Variants in PLCB2 observed in about 807,000 individuals in gnomAD.
The protein encoded by PLCB2 is phospholipase C beta 2.
A neutral mutation model predicts 141.7 loss-of-function variants in PLCB2; 115 were observed. That is an observed-to-expected ratio of 0.81 (90% CI 0.70 to 0.95). PLCB2 has a LOEUF of 0.95. PLCB2 is among the 40% of genes least tolerant of loss of function. PLCB2 has a pLI of 0.00. For synonymous variants in PLCB2, 603 were observed against 595.6 expected, an observed-to-expected ratio of 1.01 and a Z score of -0.18; for missense variants, 1,403 against 1,541.1, an observed-to-expected ratio of 0.91 and a Z score of 1.50.
intron 1 of PLCB2, among the ~76,000 whole-genome samples, chr15:40,306,748 C>T (rs1416408087): frequency 2.0e-5 from 3 of 152,224 alleles, no homozygotes; most frequent in Non-Finnish European, 4.4e-5. Context: ...CCCACCAAGC[C>T]TTCATTTCCC....
Position 40,295,237 on chromosome 15 carries a change from T to G in PLCB2, c.1745A>C (p.Tyr582Ser). 1 of 1,613,974 alleles carries G rather than the reference T, an allele frequency of 6.2e-7. No homozygotes were observed. The highest frequency in any genetic ancestry group is 8.5e-7 in the Non-Finnish European group (1 of 1,179,826). Residue 582 changes from tyrosine to serine, a missense_variant, in exon 17 of 32, where the codon TAT becomes TCT. By Grantham distance (144) the Tyr-to-Ser change is moderately radical (BLOSUM62 -2). This residue lies in a region of PLCB2 where 975 missense variants were observed against 1,141.1 expected (regional missense o/e 0.85). Coordinates refer to ENST00000260402, the MANE Select transcript of PLCB2 (RefSeq NM_004573.3). ...CACCGAGGCCTTGGAGAGCAGGTCA[T>G]ATGCCTTGAGCTCTGTGAAGGACGA... is the stretch of plus-strand genomic sequence containing the variant. ...VISSFTELKA[Y>S]DLLSKASVQF... is the part of the protein sequence containing the mutation.
At position 40,297,424 on chromosome 15, in the gene PLCB2, G is replaced by C. The variant is rs1218089419; in HGVS notation, c.1323+97C>G. The C allele has an allele frequency of 2.4e-5, 22 of 907,474 alleles. No homozygotes were observed. In the Admixed American group the frequency reaches 4.0e-4, roughly 16 times the overall value. The allele number at this position is 907,474 out of a possible 1,614,324, so 56.2% of individuals were successfully genotyped here. On this transcript the variant is annotated intron_variant, in intron 13 of 31. Coordinates refer to ENST00000260402, the MANE Select transcript of PLCB2 (RefSeq NM_004573.3). This position sits in a 1 kb window ranked among gnomAD's most constrained non-coding sequence, Gnocchi z 4.2. ...CCCGCATCTAACCAAGTGAACCCTA[G>C]CATCCTCTGGGAGTGTCTCCCTCCC... is the stretch of plus-strand genomic sequence containing the variant.
Position 40,294,987 on chromosome 15 carries a change from T to C in PLCB2, c.1855A>G (p.Met619Val), listed in dbSNP as rs775543218. ...ATCTGGCATCCAGCATTCCAGAACA[T>C]CTGGGGCATGTAGTTGGAGGAGTCC... ...RMDSSNYMPQ[M>V]FWNAGCQMVA... Residue 619 changes from methionine (M) to valine (V), a missense_variant, in exon 18 of 32, where the codon ATG becomes GTG. By Grantham distance (21) the Met-to-Val change is conservative. This residue lies in a region of PLCB2 where 975 missense variants were observed against 1,141.1 expected (regional missense o/e 0.85). Coordinates refer to ENST00000260402, the MANE Select transcript of PLCB2 (RefSeq NM_004573.3). The C allele has an allele frequency of 1.9e-6, 3 of 1,614,084 alleles. No homozygotes were observed. Among genetic ancestry groups the C allele is most frequent in the Non-Finnish European group, 1.7e-6 (2 of 1,179,988 alleles).
chr15:40,297,048 C>T lies in PLCB2; in HGVS notation c.1324-140G>A. On this transcript the variant is annotated intron_variant, in intron 13 of 31. Coordinates refer to ENST00000260402, the MANE Select transcript of PLCB2 (RefSeq NM_004573.3). This position sits in a 1 kb window ranked among gnomAD's most constrained non-coding sequence, Gnocchi z 4.2. ...CTACTGCTTATCATCCCCATTCTCA[C>T]TGAGATAAATCCAGCTTATCCCTTG... The T allele has an allele frequency of 2.5e-6, 2 of 813,658 alleles. No individual in the cohort carries two copies. Among genetic ancestry groups the T allele is most frequent in the Non-Finnish European group, 2.0e-6 (1 of 491,856 alleles). 50.4% of individuals were successfully genotyped at this position (813,658 alleles called of 1,614,324 possible). A position where few individuals can be genotyped will look rare whatever the true frequency, so the allele number is the denominator to read the frequency against.
Position 40,293,737 on chromosome 15 carries a change from G to A in PLCB2, c.2062-13C>T, listed in dbSNP as rs1461432241. 8 of 1,600,536 alleles carry A rather than the reference G, an allele frequency of 5.0e-6. No individual in the cohort carries two copies. The highest frequency in any genetic ancestry group is 1.3e-5 in the African/African-American group (1 of 74,668). On this transcript the variant is annotated splice_polypyrimidine_tract_variant and intron_variant, in intron 19 of 31. Transcript: ENST00000260402. ...GCCCAGAGATCACCTGGGGGTAGGG[G>A]CCCAGGAAAACCAGCATCAAATCCC...
chr15:40,299,613 A>G (rs887241906), intron 7 of PLCB2, among the ~76,000 whole-genome samples: 11 of 152,220 alleles, frequency 7.2e-5, no homozygotes, highest in Non-Finnish European at 1.5e-4. Context: ...GCACCTAACA[A>G]CAGAACCCCA....
Position 40,296,885 on chromosome 15 carries a change from G to A in PLCB2, c.1347C>T (p.Pro449=), listed in dbSNP as rs768709045. 6 of 1,613,912 alleles carry A rather than the reference G, an allele frequency of 3.7e-6. No individual in the cohort carries two copies. The highest frequency in any genetic ancestry group is 4.2e-6 in the Non-Finnish European group (5 of 1,179,974). Residue 449 remains proline (P), a synonymous_variant, in exon 14 of 32, where the codon CCC becomes CCT. Transcript: ENST00000260402. ...KFPLKPGVPL[P]SPEDLRGKIL... is the part of the protein sequence containing the mutation. ...TCTTGCCCCTGAGATCCTCAGGGCT[G>A]GGCAGGGGGACACCTGGTTTTAGCT...
Position 40,291,010 on chromosome 15 carries a change from CCGGCCACCT to C in PLCB2, c.3035_3036+7del. 1 of 1,589,996 alleles carries C rather than the reference CCGGCCACCT, an allele frequency of 6.3e-7. No homozygotes were observed. Among genetic ancestry groups the C allele is most frequent in the East Asian group, 2.3e-5 (1 of 44,280 alleles). On this transcript the variant is annotated splice_donor_variant and splice_donor_5th_base_variant and coding_sequence_variant and intron_variant, in exon 27 of 32. Coordinates refer to ENST00000260402, the MANE Select transcript of PLCB2 (RefSeq NM_004573.3). LOFTEE classifies it high-confidence loss of function. ...TGGTGGGGTTGTCGCCCTGCCCCTCCCGGCCACCTCGGCCACGTGCTGCTCCTTGCGCTT... is the reference window on the plus strand; with the variant it reads ...TGGTGGGGTTGTCGCCCTGCCCCTCCCGGCCACGTGCTGCTCCTTGCGCTT...
chr15:40,292,800 G>GC (rs1490399703), intron 21 of PLCB2, 126 bp downstream of exon 21: 1 of 646,432 alleles, frequency 1.5e-6, no homozygotes, highest in African/African-American at 1.8e-5. Flanking sequence ...GTACTGTTCT[G>GC]CCCTACTCCT....
chr15:40,301,624 G>C (rs1057434826), intron 7 of PLCB2: 2 of 702,764 alleles, frequency 2.8e-6, no homozygotes, highest in South Asian at 3.0e-5. Context: ...AAACATTCAC[G>C]CTCAGCTCCC....
At chr15:40,293,256 G>A (rs2040029466) in intron 20 of PLCB2, among the ~76,000 whole-genome samples, 1 of 152,270 alleles carries the variant, frequency 6.6e-6, no homozygotes, top group African/African-American at 2.4e-5. Flanking sequence ...CCAAGGCTGA[G>A]GGGGCCTGGC....
chr15:40,302,570 C>T lies in PLCB2; in HGVS notation c.271G>A (p.Asp91Asn), dbSNP rs1305944512. The T allele has an allele frequency of 6.2e-7, 1 of 1,614,080 alleles. No individual in the cohort carries two copies. The highest frequency in any genetic ancestry group is 8.5e-7 in the Non-Finnish European group (1 of 1,180,032). ...LRDVFNMDFPDNSFLLKTLTV... is the reference protein window; with the variant it reads ...LRDVFNMDFPNNSFLLKTLTV... ...AGTGTCTTCAGCAGGAAACTGTTATCAGGAAAGTCCATGTTGAAGACGTCC... is the reference window on the plus strand; with the variant it reads ...AGTGTCTTCAGCAGGAAACTGTTATTAGGAAAGTCCATGTTGAAGACGTCC... The change falls in exon 4 of 32, where the codon GAT becomes AAT. Residue 91 changes from aspartate to asparagine, a missense_variant. By Grantham distance (23) the Asp-to-Asn change is conservative. Around this residue, in one of 4 missense-constraint regions of PLCB2, gnomAD observed 975 missense variants for 1,141.1 expected, o/e 0.85. Coordinates refer to ENST00000260402, the MANE Select transcript of PLCB2 (RefSeq NM_004573.3).
chr15:40,294,209 G>C, intron 19 of PLCB2, 57 bp downstream of exon 19: 1 of 1,562,840 alleles, frequency 6.4e-7, no homozygotes, highest in East Asian at 2.2e-5. Flanking sequence ...GTGGGCTCCT[G>C]TGCCCTTCTA....
In PLCB2 at chr15:40,294,563, C is replaced by G. The variant is rs2040103558; in HGVS notation, c.1907-143G>C. 4.8e-6 allele frequency: 4 copies of G among 825,402 alleles called. No homozygotes were observed. In the East Asian group the frequency reaches 1.0e-4, roughly 22 times the overall value. The allele number at this position is 825,402 out of a possible 1,614,324, so 51.1% of individuals were successfully genotyped here. Reference sequence around the variant, plus strand: ...GGATGAGGGCTTCTCCTGTCCCAGTCTGGTTCCTTGCAGTGTCTCCTCTCT... The same window carrying G: ...GGATGAGGGCTTCTCCTGTCCCAGTGTGGTTCCTTGCAGTGTCTCCTCTCT... On this transcript the variant is annotated intron_variant, in intron 18 of 31. Coordinates refer to ENST00000260402, the MANE Select transcript of PLCB2 (RefSeq NM_004573.3).
In PLCB2 at chr15:40,290,036, C is replaced by G. The variant is rs1441515531; in HGVS notation, c.3256G>C (p.Val1086Leu). ...CAGCCCTTACACACCTGCTTGATCA[C>G]CTGCACTACTTCCTGGATGTGGGAG... ...NNSHIQEVVQ[V>L]IKQMTENLER... Residue 1086 changes from valine (V) to leucine (L), a missense_variant, in exon 30 of 32, where the codon GTG becomes CTG. By Grantham distance (32) the Val-to-Leu change is conservative. Transcript: ENST00000260402. The G allele has an allele frequency of 6.2e-7, 1 of 1,602,436 alleles. No homozygotes were observed. The highest frequency in any genetic ancestry group is 2.2e-5 in the East Asian group (1 of 44,790).
chr15:40,284,512 C>CA, downstream of PLCB2: 1 of 455,728 alleles, frequency 2.2e-6, no homozygotes, highest in South Asian at 1.5e-5. Context: ...GATAGGCCTT[C>CA]AAGGATGTGC....
At position 40,302,541 on chromosome 15, in the gene PLCB2, C is replaced by A; in HGVS notation, c.300G>T (p.Thr100=). ...CCACCATGTCCGGGCCGGACACCACCGTGAGTGTCTTCAGCAGGAAACTGT... is the reference window on the plus strand; with the variant it reads ...CCACCATGTCCGGGCCGGACACCACAGTGAGTGTCTTCAGCAGGAAACTGT... ...PDNSFLLKTL[T]VVSGPDMVDL... is the part of the protein sequence containing the mutation. The change falls in exon 4 of 32, where the codon ACG becomes ACT. Residue 100 remains threonine, a synonymous_variant. Coordinates refer to ENST00000260402, the MANE Select transcript of PLCB2 (RefSeq NM_004573.3). 6.2e-7 allele frequency: 1 copy of A among 1,614,210 alleles called. No homozygotes were observed. The highest frequency in any genetic ancestry group is 1.3e-5 in the African/African-American group (1 of 75,062).
intron 29 of PLCB2, 32 bp downstream of exon 29, chr15:40,290,545 G>C (rs760330514): frequency 6.6e-7 from 1 of 1,524,002 alleles, no homozygotes; most frequent in South Asian, 1.1e-5. Context: ...AGTGGGGTCT[G>C]CCCAGCCCTG....
At position 40,296,576 on chromosome 15, in the gene PLCB2, C is replaced by T. The variant is rs1016476036; in HGVS notation, c.1545G>A (p.Glu515=). 3.1e-6 allele frequency: 5 copies of T among 1,613,282 alleles called. No individual in the cohort carries two copies. Among genetic ancestry groups the T allele is most frequent in the Non-Finnish European group, 4.2e-6 (5 of 1,179,584 alleles). ...CTTCATCCAGGTTTCCTGACTCCTC[C>T]TCCTCTTCCTCTTCCACCTCCTCCT... is the stretch of plus-strand genomic sequence containing the variant. ...LEEEEVEEEE[E]EESGNLDEEE... is the part of the protein sequence containing the mutation. Residue 515 remains glutamate (E), a synonymous_variant, in exon 15 of 32, where the codon GAG becomes GAA. Coordinates refer to ENST00000260402, the MANE Select transcript of PLCB2 (RefSeq NM_004573.3).
Sources: allele counts gnomAD v4.1 joint callset (sites outside exome capture counted in the v4.1 genomes callset), GRCh38; gene constraint gnomAD v4.1.1; regional missense constraint gnomAD v4.1.1; non-coding constraint Gnocchi (gnomAD v3.1); transcripts MANE v1.5; gene names NCBI Gene and HGNC (gene_info 2026-07-23, HGNC 2026-07-21).